The following POFUT3 variants were observed in gnomAD, a reference collection of about 807,000 sequenced individuals.
POFUT3 encodes protein O-fucosyltransferase 3, also known as GDP-fucose protein O-fucosyltransferase 3.
chr8:33,470,056 G>T, the POFUT3 span, among the ~76,000 whole-genome samples: 1 of 151,542 alleles, frequency 6.6e-6, no homozygotes, highest in Non-Finnish European at 1.5e-5. Context: ...GCCTCCCAAA[G>T]TGCTAGGATT....
At chr8:33,396,240 G>C in the POFUT3 span, among the ~76,000 whole-genome samples, 3 of 152,110 alleles carry the variant, frequency 2.0e-5, no homozygotes, top group Admixed American at 2.0e-4. Context: ...TCGAAGCGTA[G>C]CAGGGATTTC....
At chr8:33,319,674 A>ATTTATATATTATATAAATATATATAT in the POFUT3 span, among the ~76,000 whole-genome samples, 1 of 76,320 alleles carries the variant, frequency 1.3e-5, no homozygotes, top group Non-Finnish European at 2.2e-5. Context: ...TTTTATATAT[A>ATTTATATATTATATAAATATATATAT]TTTATATATT....
the POFUT3 span, among the ~76,000 whole-genome samples, chr8:33,365,291 A>G: frequency 6.6e-6 from 1 of 152,226 alleles, no homozygotes; most frequent in Non-Finnish European, 1.5e-5. Context: ...TGTTAGACCT[A>G]AAACCATAAA....
chr8:33,380,054 A>ATATATATAG, the POFUT3 span, among the ~76,000 whole-genome samples: 1 of 72,792 alleles, frequency 1.4e-5, no homozygotes, highest in African/African-American at 8.1e-5. Flanking sequence ...TATATACACT[A>ATATATATAG]TATATATACA....
chr8:33,403,545 G>A, the POFUT3 span, among the ~76,000 whole-genome samples: 1 of 152,034 alleles, frequency 6.6e-6, no homozygotes, highest in East Asian at 1.9e-4. Flanking sequence ...GTGAGACCCT[G>A]TCTCTACAAA....
chr8:33,405,553 G>A, the POFUT3 span, among the ~76,000 whole-genome samples: 4,450 of 152,200 alleles, frequency 0.029, 221 homozygotes, highest in African/African-American at 0.1. Context: ...GAAATATTAA[G>A]GAAATACTAA....
the POFUT3 span, chr8:33,451,943 C>T: frequency 1.3e-5 from 2 of 152,024 alleles, no homozygotes; most frequent in Non-Finnish European, 2.9e-5. Context: ...GGGGAACAGC[C>T]CGATGATCCA....
chr8:33,448,221 C>T, the POFUT3 span, among the ~76,000 whole-genome samples: 1 of 105,364 alleles, frequency 9.5e-6, no homozygotes, highest in Non-Finnish European at 2.2e-5. Flanking sequence ...CGGCAAGCAC[C>T]TGTAGTCCCA....
At chr8:33,453,446 T>A in the POFUT3 span, 1 of 1,614,006 alleles carries the variant, frequency 6.2e-7, no homozygotes. Flanking sequence ...CATTTTTGTA[T>A]GTCCATCTTG....
chr8:33,329,292 T>C, the POFUT3 span, among the ~76,000 whole-genome samples: 4 of 152,186 alleles, frequency 2.6e-5, no homozygotes, highest in East Asian at 7.7e-4. Flanking sequence ...TACTTATCTA[T>C]GGGAAAATGT....
chr8:33,459,092 C>A, the POFUT3 span, among the ~76,000 whole-genome samples: 1 of 152,164 alleles, frequency 6.6e-6, no homozygotes. Context: ...GTAATCCCAG[C>A]ACTTTGGGAG....
chr8:33,375,537 C>A, the POFUT3 span, among the ~76,000 whole-genome samples: 1 of 151,974 alleles, frequency 6.6e-6, no homozygotes, highest in Non-Finnish European at 1.5e-5. Flanking sequence ...GACTGAATGA[C>A]TGACAGGTAC....
At chr8:33,372,062 G>T in the POFUT3 span, 4 of 720,120 alleles carry the variant, frequency 5.6e-6, no homozygotes, top group Non-Finnish European at 6.8e-6. Flanking sequence ...CTTTTCACTT[G>T]AAGAGTGGAT....
the POFUT3 span, among the ~76,000 whole-genome samples, chr8:33,331,833 G>A: frequency 3.9e-5 from 6 of 151,958 alleles, no homozygotes; most frequent in South Asian, 1.0e-3. Context: ...CCGCCACCAC[G>A]CCCGGCTAAT....
At chr8:33,395,057 T>C in the POFUT3 span, among the ~76,000 whole-genome samples, 1 of 152,188 alleles carries the variant, frequency 6.6e-6, no homozygotes, top group Non-Finnish European at 1.5e-5. Flanking sequence ...TCAGGCTCCC[T>C]GGACAACTGG....
the POFUT3 span, among the ~76,000 whole-genome samples, chr8:33,391,180 T>C: frequency 6.6e-6 from 1 of 152,300 alleles, no homozygotes; most frequent in South Asian, 2.1e-4. Context: ...CAGTGTACAC[T>C]CCCACAAATA....
At chr8:33,407,578 T>G in the POFUT3 span, among the ~76,000 whole-genome samples, 1 of 152,106 alleles carries the variant, frequency 6.6e-6, no homozygotes, top group African/African-American at 2.4e-5. Flanking sequence ...TTATAGAGAA[T>G]GTTAAAAAAA....
chr8:33,317,054 AG>A, the POFUT3 span, among the ~76,000 whole-genome samples: 1 of 152,124 alleles, frequency 6.6e-6, no homozygotes, highest in Non-Finnish European at 1.5e-5. Context: ...ATGAAAATAA[AG>A]GAAAATCTTG....
At chr8:33,440,338 G>A in the POFUT3 span, among the ~76,000 whole-genome samples, 1 of 151,992 alleles carries the variant, frequency 6.6e-6, no homozygotes, top group Non-Finnish European at 1.5e-5. Flanking sequence ...CTCCAGTCTG[G>A]GCAACTGAGC....
Sources: gnomAD v4.1 joint callset for allele counts (sites outside exome capture counted in the v4.1 genomes callset) on GRCh38, gnomAD v4.1.1 for gene constraint, MANE v1.5 for transcripts, NCBI Gene and HGNC (gene_info 2026-07-23, HGNC 2026-07-21) for gene names.